The following SLIT3 variants were observed in gnomAD, a reference collection of about 807,000 sequenced individuals.
SLIT3 encodes the protein slit homolog 3 protein.
In SLIT3, 68 loss-of-function variants were observed where a neutral mutation model predicts 184.0. The observed-to-expected ratio is 0.37, with a 90% confidence interval of 0.30 to 0.45. The LOEUF (loss-of-function observed/expected upper bound fraction) is 0.45. Ranked by LOEUF, SLIT3 falls within the 20% of genes least tolerant of loss-of-function variation. The pLI is 1.00. For missense variants in SLIT3, 1,707 were observed against 2,026.0 expected, an observed-to-expected ratio of 0.84 and a Z score of 3.02; for synonymous variants, 831 against 828.6, an observed-to-expected ratio of 1.00 and a Z score of -0.05.
At chr5:168,699,817 G>A (rs1215829792) in intron 27 of SLIT3, among the ~76,000 whole-genome samples, 1 of 152,244 alleles carries the variant, frequency 6.6e-6, no homozygotes, top group East Asian at 1.9e-4. Context: ...TTGGTACCTG[G>A]CATAGTGAGC....
At chr5:169,254,830 G>A (rs559975296) in intron 1 of SLIT3, among the ~76,000 whole-genome samples, 1 of 152,322 alleles carries the variant, frequency 6.6e-6, no homozygotes, top group South Asian at 2.1e-4. Context: ...ATACCTTTGG[G>A]ACTCAGCCTC....
chr5:168,754,181 G>GC (rs1238804519), intron 16 of SLIT3, among the ~76,000 whole-genome samples, 174 bp from the exon 17 acceptor site: 2 of 152,146 alleles, frequency 1.3e-5, no homozygotes, highest in Non-Finnish European at 2.9e-5. Flanking sequence ...TCAGCATCTG[G>GC]CCCAGGGAGC....
Position 169,193,554 on chromosome 5 carries a change from A to G in SLIT3, c.342-4T>C. 1.9e-6 allele frequency: 3 copies of G among 1,613,194 alleles called. No homozygotes were observed. The highest frequency in any genetic ancestry group is 2.5e-6 in the Non-Finnish European group (3 of 1,179,150). On this transcript the variant is annotated splice_polypyrimidine_tract_variant and splice_region_variant and intron_variant, in intron 3 of 35. Coordinates refer to ENST00000519560, the MANE Select transcript of SLIT3 (RefSeq NM_003062.4). Reference sequence around the variant, plus strand: ...CAGCTTATTCTTGTTCAGGCGCCTAAAGAGGAAAGAGAATGGAAGGATGTC... The same window carrying G: ...CAGCTTATTCTTGTTCAGGCGCCTAGAGAGGAAAGAGAATGGAAGGATGTC...
At chr5:169,209,538 C>G (rs1171689322) in intron 3 of SLIT3, among the ~76,000 whole-genome samples, 10 of 152,162 alleles carry the variant, frequency 6.6e-5, no homozygotes, top group African/African-American at 2.4e-4. Context: ...AGACTTGGAA[C>G]CAACCCAAAT....
At chr5:168,876,411 G>A (rs1185546553) in intron 5 of SLIT3, among the ~76,000 whole-genome samples, 1 of 151,994 alleles carries the variant, frequency 6.6e-6, no homozygotes, top group Non-Finnish European at 1.5e-5. Flanking sequence ...TGGATCATGG[G>A]GTTCTAGGTC....
chr5:169,085,870 C>G (rs1252815304), intron 4 of SLIT3, among the ~76,000 whole-genome samples: 1 of 152,160 alleles, frequency 6.6e-6, no homozygotes, highest in East Asian at 1.9e-4. Flanking sequence ...CTAGGCAGCC[C>G]CATCTTGCCA....
rs1761052969 is a variant in SLIT3, at chr5:168,666,558, T to C, written c.4468A>G (p.Thr1490Ala). Residue 1490 changes from threonine (T) to alanine (A), a missense_variant, in exon 36 of 36, where the codon ACC becomes GCC. By Grantham distance (58) the Thr-to-Ala change is moderately conservative. Coordinates refer to ENST00000519560, the MANE Select transcript of SLIT3 (RefSeq NM_003062.4). ...ACGTATTTCCGCCGCTTGCTGCGGGTGGGCTGGCAGCACTGGGGCCCACAG... is the reference window on the plus strand; with the variant it reads ...ACGTATTTCCGCCGCTTGCTGCGGGCGGGCTGGCAGCACTGGGGCCCACAG... ...GGCGPQCCQP[T>A]RSKRRKYVFQ... 6.2e-7 allele frequency: 1 copy of C among 1,613,912 alleles called. No homozygotes were observed. The highest frequency in any genetic ancestry group is 2.2e-5 in the East Asian group (1 of 44,870).
At chr5:169,202,797 C>G (rs888826064) in intron 3 of SLIT3, among the ~76,000 whole-genome samples, 5 of 151,920 alleles carry the variant, frequency 3.3e-5, no homozygotes, top group African/African-American at 1.2e-4. Flanking sequence ...CCCCCCACCC[C>G]ACCCCTGCCC....
At chr5:169,006,899 G>A (rs1216318752) in intron 4 of SLIT3, among the ~76,000 whole-genome samples, 2 of 152,046 alleles carry the variant, frequency 1.3e-5, no homozygotes, top group African/African-American at 2.4e-5. Flanking sequence ...TGGGCACTTG[G>A]TAAGCCAGGC....
rs148878153 is a variant in SLIT3 at position 168,813,218 on chromosome 5, G to T, written c.793+4082C>A. Reference sequence around the variant, plus strand: ...TAACCTTGAATTACAAATTGCGACTGGTAGAAACCCTTCCAGATTAAGGTA... The same window carrying T: ...TAACCTTGAATTACAAATTGCGACTTGTAGAAACCCTTCCAGATTAAGGTA... On this transcript the variant is annotated intron_variant, in intron 8 of 35. Transcript: ENST00000519560. Among the ~76,000 whole-genome samples, 10 of 151,944 alleles carry T rather than the reference G, an allele frequency of 6.6e-5. No homozygotes were observed. In the East Asian group the frequency reaches 1.9e-3, roughly 29 times the overall value.
At chr5:168,783,854 C>G (rs1315216759) in intron 12 of SLIT3, among the ~76,000 whole-genome samples, 2 of 152,160 alleles carry the variant, frequency 1.3e-5, no homozygotes, top group African/African-American at 2.4e-5. Context: ...AACTCTTGGT[C>G]TCAAGAGAGG....
intron 4 of SLIT3, among the ~76,000 whole-genome samples, chr5:168,897,886 C>G (rs1390312902): frequency 7.9e-6 from 1 of 127,270 alleles, no homozygotes; most frequent in Non-Finnish European, 1.8e-5. Context: ...CAGCCTTGTC[C>G]TCTGAGACAC....
At chr5:168,968,357 T>C (rs1035578444) in intron 4 of SLIT3, among the ~76,000 whole-genome samples, 6 of 152,186 alleles carry the variant, frequency 3.9e-5, no homozygotes, top group Non-Finnish European at 8.8e-5. Flanking sequence ...ATGGCAGGCA[T>C]AGGAGCTCCA....
chr5:169,037,094 C>T (rs1022859170), intron 4 of SLIT3, among the ~76,000 whole-genome samples: 2 of 151,520 alleles, frequency 1.3e-5, no homozygotes, highest in African/African-American at 4.9e-5. Flanking sequence ...CTCCACTCAG[C>T]CCCCACCTCC....
Position 169,043,440 on chromosome 5 carries a change from A to T in SLIT3, c.413+150039T>A, listed in dbSNP as rs77439776. Among the ~76,000 whole-genome samples the T allele has an allele frequency of 4.0e-3, 602 of 152,338 alleles. 4 individuals are homozygous for T. Among genetic ancestry groups the T allele is most frequent in the African/African-American group, 0.014 (575 of 41,574 alleles). ...ATCCTTCAGGACTTCCTTCAATGAT[A>T]AGAATAATTATAAGTCTTAACCCCA... On this transcript the variant is annotated intron_variant, in intron 4 of 35. Coordinates refer to ENST00000519560, the MANE Select transcript of SLIT3 (RefSeq NM_003062.4).
chr5:168,705,340 A>C (rs1762343739), intron 26 of SLIT3, among the ~76,000 whole-genome samples: 1 of 152,222 alleles, frequency 6.6e-6, no homozygotes, highest in South Asian at 2.1e-4. Context: ...TCTGATGAGG[A>C]GTATGCAAGA....
intron 4 of SLIT3, among the ~76,000 whole-genome samples, chr5:168,944,358 A>C (rs560462228): frequency 2.6e-5 from 4 of 152,298 alleles, no homozygotes; most frequent in South Asian, 4.1e-4. Flanking sequence ...CCTGGTAGAC[A>C]ATCTGTCTCT....
chr5:168,799,654 C>G (rs1418721513), intron 9 of SLIT3, among the ~76,000 whole-genome samples: 2 of 152,164 alleles, frequency 1.3e-5, no homozygotes, highest in Non-Finnish European at 2.9e-5. Context: ...CTGCAAGTCA[C>G]CTGGTTAAAA....
intron 4 of SLIT3, among the ~76,000 whole-genome samples, chr5:169,144,873 A>G (rs1761876293): frequency 6.6e-6 from 1 of 152,132 alleles, no homozygotes; most frequent in African/African-American, 2.4e-5. Flanking sequence ...AGCAAGACGG[A>G]AAATGTTGCC....
Sources: allele counts gnomAD v4.1 joint callset (sites outside exome capture counted in the v4.1 genomes callset), GRCh38; gene constraint gnomAD v4.1.1; transcripts MANE v1.5; gene names NCBI Gene and HGNC (gene_info 2026-07-23, HGNC 2026-07-21).